ZNF804B: variants seen among roughly 807,000 people sequenced by gnomAD.
The protein encoded by ZNF804B is zinc finger 804B.
In ZNF804B, 80 loss-of-function variants were observed where a neutral mutation model predicts 101.4. The ratio of observed to expected loss-of-function variants is 0.79; its 90% confidence interval spans 0.66 to 0.95. The LOEUF (loss-of-function observed/expected upper bound fraction) is 0.95, where lower values mean the gene tolerates loss of function less well. Ranked by LOEUF, ZNF804B falls within the 40% of genes least tolerant of loss-of-function variation. The pLI is 0.00. For synonymous variants in ZNF804B, 622 were observed against 558.8 expected (o/e 1.11, Z -1.59); for missense variants, 1,673 against 1,561.9 (o/e 1.07, Z -1.20).
chr7:89,289,897 G>T (rs1790259448), intron 2 of ZNF804B, among the ~76,000 whole-genome samples: 1 of 152,196 alleles, frequency 6.6e-6, no homozygotes, highest in African/African-American at 2.4e-5. Context: ...GAAAGCATTT[G>T]CACCATCCCT....
chr7:88,857,925 G>C (rs1216693726), intron 1 of ZNF804B, among the ~76,000 whole-genome samples: 1 of 132,278 alleles, frequency 7.6e-6, no homozygotes, highest in East Asian at 2.5e-4. Flanking sequence ...CCAGGATCAA[G>C]CGATTTCATG....
At chr7:89,032,936 C>T (rs1015256983) in intron 1 of ZNF804B, among the ~76,000 whole-genome samples, 11 of 151,548 alleles carry the variant, frequency 7.3e-5, no homozygotes, top group South Asian at 6.2e-4. Context: ...AAATAGTTAT[C>T]ATGTTTTGTG....
At chr7:89,113,050 A>G (rs1460599900) in intron 1 of ZNF804B, among the ~76,000 whole-genome samples, 2 of 152,188 alleles carry the variant, frequency 1.3e-5, no homozygotes, top group Non-Finnish European at 1.5e-5. Context: ...GATGTGGGGG[A>G]GAATATGTGA....
chr7:89,331,606 G>T lies in ZNF804B; in HGVS notation c.381-1757G>T, dbSNP rs551615199. Among the ~76,000 whole-genome samples, 138 of 151,776 alleles carry T rather than the reference G, an allele frequency of 9.1e-4. 2 individuals carry two copies. The highest frequency in any genetic ancestry group is 3.1e-3 in the African/African-American group (129 of 41,496). ...TTCTAAAATTACAGCCATTCATGAA[G>T]AGGAGACGTTCTAAAATCATTAAAA... On this transcript the variant is annotated intron_variant, in intron 3 of 3. Coordinates refer to ENST00000333190, the MANE Select transcript of ZNF804B (RefSeq NM_181646.5).
intron 1 of ZNF804B, among the ~76,000 whole-genome samples, chr7:89,065,857 C>T (rs535810462): frequency 3.3e-5 from 5 of 152,122 alleles, no homozygotes; most frequent in African/African-American, 9.7e-5. Context: ...AAGACTCTTA[C>T]AACTTCCTTA....
At chr7:88,856,240 A>G (rs546018979) in intron 1 of ZNF804B, among the ~76,000 whole-genome samples, 2,468 of 152,298 alleles carry the variant, frequency 0.016, 51 homozygotes, top group African/African-American at 0.041. Context: ...ACCCACGAGC[A>G]TGGAATGTTC....
At chr7:89,022,965 A>C (rs1478996752) in intron 1 of ZNF804B, among the ~76,000 whole-genome samples, 1 of 152,218 alleles carries the variant, frequency 6.6e-6, no homozygotes, top group African/African-American at 2.4e-5. Context: ...CACATAAAAA[A>C]ATAACTTTCA....
chr7:89,280,172 G>A (rs1302457561), intron 2 of ZNF804B, among the ~76,000 whole-genome samples: 6 of 152,220 alleles, frequency 3.9e-5, no homozygotes, highest in African/African-American at 1.4e-4. Flanking sequence ...GGTACATAAC[G>A]AAATGAAGGC....
chr7:88,896,499 A>G (rs772341119), intron 1 of ZNF804B, among the ~76,000 whole-genome samples: 3 of 152,152 alleles, frequency 2.0e-5, no homozygotes, highest in Non-Finnish European at 2.9e-5. Context: ...AAGATTATCA[A>G]TAGTTCATAA....
In ZNF804B at chr7:88,968,440, A is replaced by G. The variant is rs577313822; in HGVS notation, c.108+208356A>G. ...TGAATGCTTTCCAAATAGCATTCTC[A>G]ACACTTTGCTCTCTTACTATCCTGA... On this transcript the variant is annotated intron_variant, in intron 1 of 3. Transcript: ENST00000333190. Among the ~76,000 whole-genome samples the G allele has an allele frequency of 8.6e-5, 13 of 151,642 alleles. No homozygotes were observed. In the East Asian group the frequency reaches 2.6e-3, roughly 30 times the overall value.
chr7:88,890,366 A>C (rs904637632), intron 1 of ZNF804B, among the ~76,000 whole-genome samples: 1 of 152,182 alleles, frequency 6.6e-6, no homozygotes, highest in African/African-American at 2.4e-5. Flanking sequence ...CATAGACAGG[A>C]GTTTGCATAT....
chr7:88,977,266 T>C (rs763529312), intron 1 of ZNF804B, among the ~76,000 whole-genome samples: 8 of 147,750 alleles, frequency 5.4e-5, no homozygotes, highest in Non-Finnish European at 1.0e-4. Context: ...AGAATGAGTT[T>C]GGAAGTATTC....
chr7:89,088,573 A>G (rs1789839969), intron 1 of ZNF804B, among the ~76,000 whole-genome samples: 1 of 149,714 alleles, frequency 6.7e-6, no homozygotes. Flanking sequence ...AGGTCCTTGC[A>G]CTTGCCTTGC....
intron 1 of ZNF804B, among the ~76,000 whole-genome samples, chr7:89,184,554 T>C (rs1429265345): frequency 6.6e-6 from 1 of 152,188 alleles, no homozygotes; most frequent in Non-Finnish European, 1.5e-5. Flanking sequence ...ATGCTTTCTA[T>C]TTATTAATAA....
intron 2 of ZNF804B, among the ~76,000 whole-genome samples, chr7:89,255,097 G>A (rs1215531750): frequency 6.6e-6 from 1 of 152,144 alleles, no homozygotes. Context: ...CACATTGCTG[G>A]GAGGCCTCAG....
chr7:89,275,928 A>C (rs554671031), intron 2 of ZNF804B, among the ~76,000 whole-genome samples: 3 of 151,838 alleles, frequency 2.0e-5, no homozygotes, highest in Non-Finnish European at 4.4e-5. Flanking sequence ...CCAAACGCCC[A>C]TCAGTGATAG....
At chr7:88,798,589 G>T (rs966988824) in intron 1 of ZNF804B, among the ~76,000 whole-genome samples, 2 of 151,908 alleles carry the variant, frequency 1.3e-5, no homozygotes, top group African/African-American at 4.8e-5. Flanking sequence ...CTATTGGGTT[G>T]CTTCCTAAAA....
chr7:89,235,633 A>G (rs547420123), intron 2 of ZNF804B, among the ~76,000 whole-genome samples: 1 of 152,302 alleles, frequency 6.6e-6, no homozygotes, highest in East Asian at 1.9e-4. Context: ...AAAGAACTTA[A>G]TTGGCTATAA....
intron 2 of ZNF804B, among the ~76,000 whole-genome samples, chr7:89,294,015 T>C (rs553397232): frequency 7.7e-4 from 117 of 152,322 alleles, no homozygotes; most frequent in African/African-American, 2.7e-3. Flanking sequence ...GGCAACTCTG[T>C]CATCATTTGG....
Sources: allele counts gnomAD v4.1 joint callset (sites outside exome capture counted in the v4.1 genomes callset), GRCh38; gene constraint gnomAD v4.1.1; transcripts MANE v1.5; gene names NCBI Gene and HGNC (gene_info 2026-07-23, HGNC 2026-07-21).